CAMK1D: variants seen among roughly 807,000 people sequenced by gnomAD.
CAMK1D encodes calcium/calmodulin-dependent protein kinase type 1D.
Under a neutral mutation model 47.7 loss-of-function variants are expected in CAMK1D, and 9 were observed. That is an observed-to-expected ratio of 0.19 (90% CI 0.11 to 0.33). The LOEUF is 0.33. Among genes scored for constraint, CAMK1D ranks in the 10% least tolerant of loss-of-function variants. The pLI is 1.00. For synonymous variants in CAMK1D, 184 were observed against 184.9 expected (o/e 0.99, Z 0.04); for missense variants, 291 against 488.7 (o/e 0.60, Z 3.81).
intron 1 of CAMK1D, among the ~76,000 whole-genome samples, chr10:12,362,634 A>G (rs1443784310): frequency 6.6e-6 from 1 of 152,056 alleles, no homozygotes; most frequent in Non-Finnish European, 1.5e-5. Flanking sequence ...AGTAGCTGGG[A>G]CTACAGGCGC....
chr10:12,498,563 G>T (rs1484537746), intron 1 of CAMK1D, among the ~76,000 whole-genome samples: 1 of 152,170 alleles, frequency 6.6e-6, no homozygotes, highest in Admixed American at 6.5e-5. Flanking sequence ...TAAAGAAAAG[G>T]AGGAACACTT....
chr10:12,541,581 G>A (rs576777593), intron 1 of CAMK1D, among the ~76,000 whole-genome samples: 28 of 152,200 alleles, frequency 1.8e-4, no homozygotes, highest in South Asian at 4.2e-4. Context: ...GGCTGGTCTC[G>A]AACTCCTGAG....
chr10:12,671,951 T>A lies in CAMK1D; in HGVS notation c.299+5141T>A, dbSNP rs572830469. 2.7e-5 allele frequency among the ~76,000 whole-genome samples: 4 copies of A among 149,626 alleles called. No homozygotes were observed. In the East Asian group the frequency reaches 7.8e-4, roughly 29 times the overall value. On this transcript the variant is annotated intron_variant, in intron 3 of 10. Coordinates refer to ENST00000619168, the MANE Select transcript of CAMK1D (RefSeq NM_153498.4). ...TTTTTTTTAAGATGGAGTCTCAGTC[T>A]GTCGCCCAGGCTGGAGTGCAGTGGC...
intron 1 of CAMK1D, among the ~76,000 whole-genome samples, chr10:12,407,546 G>A (rs1839482244): frequency 6.6e-6 from 1 of 152,152 alleles, no homozygotes; most frequent in Admixed American, 6.5e-5. Context: ...ATTACTTCAT[G>A]GTAGCCCCTT....
chr10:12,441,490 C>G (rs1832782211), intron 1 of CAMK1D, among the ~76,000 whole-genome samples: 1 of 150,436 alleles, frequency 6.6e-6, no homozygotes, highest in Non-Finnish European at 1.5e-5. Flanking sequence ...AGCCACTGTG[C>G]TTGGCCTTTA....
At chr10:12,435,247 G>GA (rs1832597042) in intron 1 of CAMK1D, among the ~76,000 whole-genome samples, 2 of 93,212 alleles carry the variant, frequency 2.1e-5, no homozygotes, top group South Asian at 7.6e-4. Context: ...AAAAAAAAAA[G>GA]AAAAGGTGAT....
intron 1 of CAMK1D, among the ~76,000 whole-genome samples, chr10:12,387,398 T>TATATA (rs1838545281): frequency 6.2e-5 from 2 of 32,108 alleles, no homozygotes; most frequent in South Asian, 8.6e-4. Flanking sequence ...TATTATATAT[T>TATATA]TTTATATATT....
Position 12,603,158 on chromosome 10 carries a change from C to T in CAMK1D, c.224+49802C>T, listed in dbSNP as rs376007242. ...ACTTACGACTTCAGATGATCCACCT[C>T]CCAAAGTGCTGGGATTACAGGCATG... On this transcript the variant is annotated intron_variant, in intron 2 of 10. Coordinates refer to ENST00000619168, the MANE Select transcript of CAMK1D (RefSeq NM_153498.4). Among the ~76,000 whole-genome samples, 224 of 152,164 alleles carry T rather than the reference C, an allele frequency of 1.5e-3. 1 individual carries two copies. The Middle Eastern group carries it at 0.034, about 23-fold the overall frequency.
chr10:12,400,293 ATT>A (rs1243432861), intron 1 of CAMK1D, among the ~76,000 whole-genome samples: 2 of 152,132 alleles, frequency 1.3e-5, no homozygotes, highest in Admixed American at 6.5e-5. Flanking sequence ...CCAAAGGAGG[ATT>A]TCTAATGATG....
chr10:12,727,764 A>G (rs200214641), intron 3 of CAMK1D, among the ~76,000 whole-genome samples: 2,430 of 106,862 alleles, frequency 0.023, 40 homozygotes, highest in Middle Eastern at 0.064. Flanking sequence ...AATTAATCAC[A>G]GCCTTTTTTT....
intron 1 of CAMK1D, among the ~76,000 whole-genome samples, chr10:12,462,439 T>C (rs1001907268): frequency 9.2e-5 from 14 of 151,666 alleles, no homozygotes; most frequent in East Asian, 5.8e-4. Flanking sequence ...GCTGGGATTA[T>C]AGGCATGAGC....
At chr10:12,378,076 C>G (rs78515218) in intron 1 of CAMK1D, among the ~76,000 whole-genome samples, 6 of 152,160 alleles carry the variant, frequency 3.9e-5, no homozygotes, top group Non-Finnish European at 5.9e-5. Flanking sequence ...TGTGAGGCCT[C>G]GTTCCTCTGG....
chr10:12,718,252 G>A (rs761682593), intron 3 of CAMK1D, among the ~76,000 whole-genome samples: 4 of 152,134 alleles, frequency 2.6e-5, no homozygotes, highest in Admixed American at 2.6e-4. Context: ...AATAGGGTTC[G>A]AAAGACAACT....
chr10:12,427,616 T>A (rs145206966), intron 1 of CAMK1D, among the ~76,000 whole-genome samples: 1 of 151,768 alleles, frequency 6.6e-6, no homozygotes, highest in Non-Finnish European at 1.5e-5. Context: ...TGGAACTTGG[T>A]TCTCCTTCAT....
At chr10:12,424,107 G>A (rs1363563675) in intron 1 of CAMK1D, among the ~76,000 whole-genome samples, 3 of 152,078 alleles carry the variant, frequency 2.0e-5, no homozygotes, top group East Asian at 1.9e-4. Flanking sequence ...GCCTGGTCCC[G>A]GGGCCACTCG....
Position 12,760,930 on chromosome 10 carries a change from T to C in CAMK1D, c.300-18T>C, listed in dbSNP as rs1250623972. 6.2e-6 allele frequency: 10 copies of C among 1,609,440 alleles called. No homozygotes were observed. The highest frequency in any genetic ancestry group is 8.5e-6 in the Non-Finnish European group (10 of 1,176,164). On this transcript the variant is annotated intron_variant, in intron 3 of 10. Coordinates refer to ENST00000619168, the MANE Select transcript of CAMK1D (RefSeq NM_153498.4). ...TCAACAGATCCTTTCAAACTTCTAA[T>C]ATGTTCTTTTTTGCCAGGGTGTCCG... is the stretch of plus-strand genomic sequence containing the variant.
intron 1 of CAMK1D, among the ~76,000 whole-genome samples, chr10:12,528,111 G>C (rs940744822): frequency 3.3e-5 from 5 of 152,214 alleles, no homozygotes; most frequent in African/African-American, 1.2e-4. Flanking sequence ...GGTAGTGTTA[G>C]TCCCATTTTA....
intron 6 of CAMK1D, among the ~76,000 whole-genome samples, chr10:12,809,556 G>A (rs1832515294): frequency 6.6e-6 from 1 of 152,224 alleles, no homozygotes; most frequent in Non-Finnish European, 1.5e-5. Context: ...CTTTAAAAAG[G>A]AGAGAATTCT....
chr10:12,744,390 G>T (rs1835570442), intron 3 of CAMK1D, among the ~76,000 whole-genome samples: 1 of 152,116 alleles, frequency 6.6e-6, no homozygotes, highest in African/African-American at 2.4e-5. Context: ...TTCACTTTTT[G>T]AGAAATTGTT....
Sources: allele counts gnomAD v4.1 joint callset (sites outside exome capture counted in the v4.1 genomes callset), GRCh38; gene constraint gnomAD v4.1.1; transcripts MANE v1.5; gene names NCBI Gene and HGNC (gene_info 2026-07-23, HGNC 2026-07-21).